Variants in MTIF2 observed in about 807,000 individuals in gnomAD.
The protein encoded by MTIF2 is translation initiation factor IF-2, mitochondrial.
Under a neutral mutation model 83.5 loss-of-function variants are expected in MTIF2, and 71 were observed. The observed-to-expected ratio is 0.85, with a 90% CI of 0.70 to 1.04. MTIF2 has a LOEUF of 1.04. MTIF2 is among the 50% of genes least tolerant of loss of function. The pLI is 0.00. For synonymous variants in MTIF2, 319 were observed against 287.1 expected, an observed-to-expected ratio of 1.11 and a Z score of -1.12; for missense variants, 957 against 846.5, an observed-to-expected ratio of 1.13 and a Z score of -1.62.
At chr2:55,245,761 AT>A in intron 10 of MTIF2, among the ~76,000 whole-genome samples, 1 of 151,924 alleles carries the variant, frequency 6.6e-6, no homozygotes, top group East Asian at 1.9e-4. Context: ...TAAAAAAAAA[AT>A]AATTTCTTAT....
chr2:55,258,128 AT>A (rs1677685980), intron 5 of MTIF2, among the ~76,000 whole-genome samples: 1 of 152,012 alleles, frequency 6.6e-6, no homozygotes, highest in South Asian at 2.1e-4. Flanking sequence ...TTGTGACTTA[AT>A]TTTTTTAAAT....
chr2:55,254,882 T>G (rs199658087), intron 5 of MTIF2, 57 bp from the exon 6 acceptor site: 47 of 1,084,958 alleles, frequency 4.3e-5, no homozygotes, highest in Non-Finnish European at 4.4e-5. Context: ...CAAGAAGTAA[T>G]CTCTATTAAT....
At chr2:55,262,064 G>C (rs181809988) in intron 5 of MTIF2, among the ~76,000 whole-genome samples, 1 of 151,594 alleles carries the variant, frequency 6.6e-6, no homozygotes, top group Admixed American at 6.6e-5. Context: ...CAAAACTTCC[G>C]AGAAAGAAAA....
chr2:55,264,155 A>G (rs1678252317), intron 3 of MTIF2, among the ~76,000 whole-genome samples: 1 of 152,252 alleles, frequency 6.6e-6, no homozygotes, highest in African/African-American at 2.4e-5. Flanking sequence ...TGAAATATCA[A>G]CTAACCAAAT....
intron 5 of MTIF2, among the ~76,000 whole-genome samples, chr2:55,260,808 A>G (rs1270925877): frequency 2.0e-5 from 3 of 152,212 alleles, no homozygotes; most frequent in African/African-American, 7.2e-5. Flanking sequence ...TGTTACAATA[A>G]CAGGGTATTT....
At chr2:55,236,916 A>C in intron 15 of MTIF2, 96 bp from the exon 16 acceptor site, 1 of 1,002,568 alleles carries the variant, frequency 1.0e-6, no homozygotes, top group Non-Finnish European at 1.3e-6. Flanking sequence ...TTACACTGAA[A>C]TTCTTAAAAA....
chr2:55,242,915 T>G (rs1573859820), intron 13 of MTIF2, 25 bp downstream of exon 13: 4 of 1,595,620 alleles, frequency 2.5e-6, no homozygotes, highest in Non-Finnish European at 3.4e-6. Context: ...GAACACAGAT[T>G]AACAAGAAGA....
At position 55,236,815 on chromosome 2, in the gene MTIF2, A is replaced by C. The variant is rs770387991; in HGVS notation, c.2017T>G (p.Leu673Val). 2.5e-5 allele frequency: 39 copies of C among 1,585,540 alleles called. No individual in the cohort carries two copies. The highest frequency in any genetic ancestry group is 3.2e-5 in the Non-Finnish European group (38 of 1,172,394). Residue 673 changes from leucine (L) to valine (V), a missense_variant, in exon 16 of 16, where the codon TTA (leucine) becomes GTA (valine). By Grantham distance (32) the Leu-to-Val change is conservative. Transcript: ENST00000263629. ...TCTTTATGGTGTTTCAATGAGGTTA[A>C]TGAGCCTTAAAAAAGATAATTTAAG... ...RNGHVIWKGS[L>V]TSLKHHKDDI...
At position 55,254,174 on chromosome 2, in the gene MTIF2, G is replaced by C. The variant is rs1361896566; in HGVS notation, c.531C>G (p.Thr177=). 1 of 1,613,798 alleles carries C rather than the reference G, an allele frequency of 6.2e-7. No individual in the cohort carries two copies. The highest frequency in any genetic ancestry group is 1.3e-5 in the African/African-American group (1 of 74,900). ...TTATAGTAACAACTGGGGACCTTGG[G>C]GTTAATAAAGCTGGATCTGCCTGGG... ...RRPQADPALL[T]PRSPVVTIMG... Residue 177 remains threonine (T), a synonymous_variant, in exon 7 of 16, where the codon ACC becomes ACG. Transcript: ENST00000263629.
chr2:55,256,301 TACACACACAC>T (rs59068934), intron 5 of MTIF2, among the ~76,000 whole-genome samples: 22 of 149,824 alleles, frequency 1.5e-4, no homozygotes, highest in African/African-American at 5.2e-4. Flanking sequence ...TACACACATA[TACACACACAC>T]ACACACACAC....
rs1676424311 is a variant in MTIF2, at chr2:55,242,838, C to T, written c.1705+102G>A. 1.7e-6 allele frequency: 2 copies of T among 1,164,938 alleles called. 1 individual carries two copies. Among genetic ancestry groups the T allele is most frequent in the South Asian group, 3.0e-5 (2 of 65,926 alleles). 72.2% of individuals were successfully genotyped at this position (1,164,938 alleles called of 1,614,324 possible). On this transcript the variant is annotated intron_variant, in intron 13 of 15. Transcript: ENST00000263629. ...ATAGCAGGAAGGGTGATGCTGATAG[C>T]AGTAAATGTCAGGTGTGACAAGCCA...
At chr2:55,244,262 A>G (rs1676533430) in intron 10 of MTIF2, 29 bp from the exon 11 acceptor site, 1 of 1,514,736 alleles carries the variant, frequency 6.6e-7, no homozygotes, top group African/African-American at 1.4e-5. Context: ...TATATTTTCA[A>G]TGTCATAATG....
At position 55,249,414 on chromosome 2, in the gene MTIF2, A is replaced by G; in HGVS notation, c.962T>C (p.Val321Ala). 6.2e-7 allele frequency: 1 copy of G among 1,614,138 alleles called. No individual in the cohort carries two copies. The highest frequency in any genetic ancestry group is 8.5e-7 in the Non-Finnish European group (1 of 1,180,014). ...ATTTACCGTAAGTGCGGAGACAGGC[A>G]CTGCTTGAACATCACCTCCATAATC... ...CEDYGGDVQA[V>A]PVSALTGDNL... Residue 321 changes from valine (V) to alanine (A), a missense_variant, in exon 9 of 16, where the codon GTG becomes GCG. Physicochemically the swap from Val to Ala is moderately conservative, Grantham distance 64. Transcript: ENST00000263629.
intron 9 of MTIF2, among the ~76,000 whole-genome samples, chr2:55,247,592 A>T (rs1259497503): frequency 6.6e-6 from 1 of 152,128 alleles, no homozygotes; most frequent in African/African-American, 2.4e-5. Flanking sequence ...GTAAAACAAA[A>T]CAAAACAAAA....
chr2:55,252,456 A>G, intron 8 of MTIF2, 21 bp downstream of exon 8: 2 of 1,607,076 alleles, frequency 1.2e-6, no homozygotes, highest in Non-Finnish European at 1.7e-6. Flanking sequence ...TAGTAGATCC[A>G]TTAAGTCAGC....
intron 7 of MTIF2, 76 bp from the exon 8 acceptor site, chr2:55,252,729 T>C (rs1677193277): frequency 2.0e-6 from 2 of 985,050 alleles, no homozygotes; most frequent in Non-Finnish European, 3.0e-6. Flanking sequence ...TATGCGACAT[T>C]ATCAGAAACC....
intron 13 of MTIF2, 90 bp downstream of exon 13, chr2:55,242,850 G>T: frequency 7.5e-7 from 1 of 1,336,312 alleles, no homozygotes; most frequent in Non-Finnish European, 1.0e-6. Flanking sequence ...GTAAATGTCA[G>T]GTGTGACAAG....
chr2:55,262,417 G>C lies in MTIF2; in HGVS notation c.230C>G (p.Pro77Arg). The change falls in exon 5 of 16, where the codon CCA becomes CGA. Residue 77 changes from proline (P) to arginine (R), a missense_variant. Pro to Arg is a moderately radical substitution (Grantham distance 103). This residue lies in a region of MTIF2 where 733 missense variants were observed against 648.7 expected (regional missense o/e 1.13). Coordinates refer to ENST00000263629, the MANE Select transcript of MTIF2 (RefSeq NM_002453.3). ...TGTTGAAGATAACTGAGATTTCCAT[G>C]GTCCTTCTTCCTATTAAAAAAATCA... ...RLLVTKKEEG[P>R]WKSQLSSTKS... The C allele has an allele frequency of 6.2e-7, 1 of 1,607,860 alleles. No individual in the cohort carries two copies. The highest frequency in any genetic ancestry group is 8.5e-7 in the Non-Finnish European group (1 of 1,176,042).
intron 13 of MTIF2, among the ~76,000 whole-genome samples, chr2:55,242,509 A>G (rs1220878062): frequency 1.3e-5 from 2 of 152,254 alleles, no homozygotes; most frequent in East Asian, 3.8e-4. Context: ...TACGATGTAT[A>G]AAGTTATCAA....
Sources: allele counts gnomAD v4.1 joint callset (sites outside exome capture counted in the v4.1 genomes callset), GRCh38; gene constraint gnomAD v4.1.1; regional missense constraint gnomAD v4.1.1; transcripts MANE v1.5; gene names NCBI Gene and HGNC (gene_info 2026-07-23, HGNC 2026-07-21).